Variants in FMN1 observed in about 807,000 individuals in gnomAD.
FMN1 encodes the protein formin 1.
A neutral mutation model predicts 132.4 loss-of-function variants in FMN1; 110 were observed. The observed-to-expected ratio is 0.83, with a 90% CI of 0.71 to 0.97. The LOEUF is 0.97. FMN1 is among the 50% of genes least tolerant of loss of function. The pLI is 0.00. For missense variants in FMN1, 1,792 were observed against 1,705.3 expected, an observed-to-expected ratio of 1.05 and a Z score of -0.90; for synonymous variants, 722 against 651.7, an observed-to-expected ratio of 1.11 and a Z score of -1.64.
chr15:33,176,441 G>A (rs1470738465), intron 3 of FMN1, among the ~76,000 whole-genome samples: 2 of 144,910 alleles, frequency 1.4e-5, no homozygotes, highest in East Asian at 4.1e-4. Flanking sequence ...GGGAGGCAAA[G>A]GTTGCAGTGA....
intron 6 of FMN1, among the ~76,000 whole-genome samples, chr15:33,058,900 G>A (rs1238444658): frequency 6.6e-6 from 1 of 152,142 alleles, no homozygotes; most frequent in Non-Finnish European, 1.5e-5. Flanking sequence ...TTGTTATGGT[G>A]AGACATTTGA....
intron 3 of FMN1, among the ~76,000 whole-genome samples, chr15:33,155,260 C>T (rs1281682646): frequency 6.6e-6 from 1 of 152,068 alleles, no homozygotes; most frequent in African/African-American, 2.4e-5. Flanking sequence ...TGGGAAAGTC[C>T]TCTCATTTCA....
intron 4 of FMN1, among the ~76,000 whole-genome samples, chr15:33,116,462 T>C (rs1014561232): frequency 2.6e-5 from 4 of 152,242 alleles, no homozygotes; most frequent in African/African-American, 7.2e-5. Flanking sequence ...TGTCTATAAA[T>C]GTTATCCGAC....
At chr15:32,802,138 T>C (rs1397940184) in intron 18 of FMN1, among the ~76,000 whole-genome samples, 2 of 152,256 alleles carry the variant, frequency 1.3e-5, no homozygotes, top group Non-Finnish European at 2.9e-5. Context: ...TGATTTCTAA[T>C]CCTATGTTTG....
chr15:32,942,828 T>C (rs1373517292), intron 9 of FMN1, among the ~76,000 whole-genome samples: 6 of 152,184 alleles, frequency 3.9e-5, no homozygotes, highest in East Asian at 1.9e-4. Flanking sequence ...CACCAATGAA[T>C]AGCTGCTGGC....
intron 2 of FMN1, among the ~76,000 whole-genome samples, chr15:33,191,128 C>T (rs942387260): frequency 2.0e-5 from 3 of 151,588 alleles, no homozygotes; most frequent in African/African-American, 7.3e-5. Flanking sequence ...TGAGACCGTG[C>T]CACTGCACTC....
chr15:33,123,632 CAGCT>C (rs923668596), intron 4 of FMN1, among the ~76,000 whole-genome samples: 35 of 152,290 alleles, frequency 2.3e-4, no homozygotes, highest in African/African-American at 6.7e-4. Context: ...GTTGATCAAA[CAGCT>C]AGCTATTTTA....
chr15:32,894,909 C>G (rs901868863), intron 15 of FMN1, among the ~76,000 whole-genome samples: 1 of 151,822 alleles, frequency 6.6e-6, no homozygotes, highest in Non-Finnish European at 1.5e-5. Context: ...TTTTGAAACA[C>G]TGCTTGTAAA....
chr15:32,791,064 T>C (rs1243059011), intron 19 of FMN1, among the ~76,000 whole-genome samples: 2 of 152,090 alleles, frequency 1.3e-5, no homozygotes, highest in Admixed American at 1.3e-4. Context: ...GAATGCGGTA[T>C]GAAGAAATTA....
chr15:32,891,077 G>C (rs1234922636), intron 15 of FMN1, among the ~76,000 whole-genome samples: 1 of 152,106 alleles, frequency 6.6e-6, no homozygotes, highest in East Asian at 1.9e-4. Flanking sequence ...TGGGTTTTCT[G>C]TTCTGTTCCA....
chr15:33,180,134 C>G (rs1381639604), intron 3 of FMN1, 64 bp downstream of exon 3: 1 of 152,128 alleles, frequency 6.6e-6, no homozygotes, highest in Non-Finnish European at 1.5e-5. Flanking sequence ...CACAGGAGCC[C>G]AGGGCCAGAG....
intron 19 of FMN1, among the ~76,000 whole-genome samples, chr15:32,785,218 A>ATTTTTTTTT (rs1230723314): frequency 0.025 from 994 of 39,122 alleles, 172 homozygotes; most frequent in Non-Finnish European, 0.037. Context: ...ATATATATAT[A>ATTTTTTTTT]TTTTTTTTTT....
chr15:33,071,827 C>T (rs995720848), intron 5 of FMN1, among the ~76,000 whole-genome samples: 8 of 152,156 alleles, frequency 5.3e-5, no homozygotes, highest in African/African-American at 1.9e-4. Context: ...CCTACAAATT[C>T]AATCTAAATT....
intron 5 of FMN1, among the ~76,000 whole-genome samples, chr15:33,070,039 C>T (rs1344434523): frequency 2.0e-5 from 2 of 98,866 alleles, no homozygotes; most frequent in Non-Finnish European, 3.7e-5. Flanking sequence ...GAGTTTCGCT[C>T]TTCTTGCCCA....
At chr15:32,819,667 A>G (rs968795192) in intron 17 of FMN1, among the ~76,000 whole-genome samples, 2 of 152,190 alleles carry the variant, frequency 1.3e-5, no homozygotes, top group Non-Finnish European at 2.9e-5. Context: ...AAAGAAATAT[A>G]ATGACTGATA....
At chr15:33,150,630 T>G (rs780635260) in intron 4 of FMN1, 42 of 985,398 alleles carry the variant, frequency 4.3e-5, no homozygotes, top group Admixed American at 1.2e-4. Context: ...CGGGTTTCAC[T>G]GGTTCCTGGG....
At chr15:32,822,567 C>A (rs972449244) in intron 17 of FMN1, among the ~76,000 whole-genome samples, 1 of 152,016 alleles carries the variant, frequency 6.6e-6, no homozygotes, top group African/African-American at 2.4e-5. Context: ...TGTCTCTCAG[C>A]ATTTTTCTAA....
rs1462364097 is a variant in FMN1, at chr15:33,077,372, T to A, written c.2043+11427A>T. ...TTTTTTTAATATATATATATATATT[T>A]TTTTTATTATACTTTAAGTTCTAGG... On this transcript the variant is annotated intron_variant, in intron 5 of 20. Coordinates refer to ENST00000616417, the MANE Select transcript of FMN1 (RefSeq NM_001277313.2). Among the ~76,000 whole-genome samples the A allele has an allele frequency of 1.4e-4, 4 of 28,402 alleles. No homozygotes were observed. In the Admixed American group the frequency reaches 2.4e-3, roughly 17 times the overall value. The allele number at this position is 28,402 out of a possible 152,430, so 18.6% of individuals were successfully genotyped here.
chr15:33,007,899 A>G, intron 7 of FMN1, 115 bp downstream of exon 7: 1 of 787,210 alleles, frequency 1.3e-6, no homozygotes, highest in South Asian at 2.1e-5. Context: ...GGCAGCTGCA[A>G]GATGCGATGC....
Sources: allele counts gnomAD v4.1 joint callset (sites outside exome capture counted in the v4.1 genomes callset), GRCh38; gene constraint gnomAD v4.1.1; transcripts MANE v1.5; gene names NCBI Gene and HGNC (gene_info 2026-07-23, HGNC 2026-07-21).